Variants in ZNF385D observed in about 807,000 individuals in gnomAD.
ZNF385D encodes the protein zinc finger protein 385D, also known as zinc finger protein 659.
ZNF385D carries 15 observed loss-of-function variants against 35.8 expected under a neutral mutation model. The observed-to-expected ratio is 0.42, with a 90% confidence interval of 0.28 to 0.64. The LOEUF (loss-of-function observed/expected upper bound fraction) is 0.64, where lower values mean the gene tolerates loss of function less well. ZNF385D is among the 30% of genes least tolerant of loss of function. The probability of loss-of-function intolerance (pLI) is 0.23; values close to 1 mark genes in which losing one functional copy is unlikely to be tolerated. For missense variants in ZNF385D, 474 were observed against 494.6 expected, an observed-to-expected ratio of 0.96 and a Z score of 0.39; for synonymous variants, 212 against 186.8, an observed-to-expected ratio of 1.13 and a Z score of -1.10.
Position 22,068,846 on chromosome 3 carries a change from G to A in ZNF385D, c.325+99971C>T, listed in dbSNP as rs116941395. ...TGCTTCTAGCAACAAGTAACATGGG[G>A]CCCGCCCAAATAACAGTAGCACAGA... is the stretch of plus-strand genomic sequence containing the variant. On this transcript the variant is annotated intron_variant, in intron 3 of 5. Transcript: ENST00000494108. 2.6e-4 allele frequency among the ~76,000 whole-genome samples: 39 copies of A among 152,276 alleles called. 2 individuals carry two copies. The East Asian group carries it at 7.2e-3, about 28-fold the overall frequency.
intron 3 of ZNF385D, among the ~76,000 whole-genome samples, chr3:22,041,774 T>C (rs1274598080): frequency 2.6e-5 from 4 of 152,068 alleles, no homozygotes; most frequent in Non-Finnish European, 2.9e-5. Context: ...GTCTATTCAA[T>C]TGAGATTTAT....
At chr3:22,076,350 T>A (rs1476166157) in intron 3 of ZNF385D, among the ~76,000 whole-genome samples, 1 of 151,924 alleles carries the variant, frequency 6.6e-6, no homozygotes, top group Non-Finnish European at 1.5e-5. Flanking sequence ...GTCTCTCTGG[T>A]TTTCTTTCAG....
At chr3:21,476,139 A>G (rs1235318758) in intron 4 of ZNF385D, among the ~76,000 whole-genome samples, 2 of 152,170 alleles carry the variant, frequency 1.3e-5, no homozygotes, top group Non-Finnish European at 2.9e-5. Flanking sequence ...TTGTTTAGGC[A>G]GAAAAGCTGC....
chr3:21,514,209 C>T (rs959243753), intron 3 of ZNF385D, among the ~76,000 whole-genome samples: 6 of 152,042 alleles, frequency 3.9e-5, no homozygotes, highest in African/African-American at 1.2e-4. Flanking sequence ...TTCTGAGGGT[C>T]GTCATTGCCA....
At chr3:21,512,861 A>G (rs1707311564) in intron 3 of ZNF385D, among the ~76,000 whole-genome samples, 1 of 152,322 alleles carries the variant, frequency 6.6e-6, no homozygotes, top group South Asian at 2.1e-4. Flanking sequence ...GCTATATTCA[A>G]TTAAAATCAC....
chr3:21,417,610 T>C lies in ZNF385D; in HGVS notation c.*3604A>G, dbSNP rs1212565447. The stretch of plus-strand genomic sequence containing the variant: ...ATATTAATTTAAAATTTAATTGTAA[T>C]TGGTGATATTTATTGCTCATGTCTA... On this transcript the variant is annotated 3_prime_UTR_variant, in exon 8 of 8. Coordinates refer to ENST00000281523, the MANE Select transcript of ZNF385D (RefSeq NM_024697.3). 6.6e-6 allele frequency: 1 copy of C among 152,136 alleles called. No individual in the cohort carries two copies. The highest frequency in any genetic ancestry group is 1.5e-5 in the Non-Finnish European group (1 of 68,002). The allele number at this position is 152,136 out of a possible 1,614,324, so 9.4% of individuals were successfully genotyped here.
chr3:21,980,192 G>T (rs541497017), intron 3 of ZNF385D, among the ~76,000 whole-genome samples: 1 of 152,098 alleles, frequency 6.6e-6, no homozygotes, highest in African/African-American at 2.4e-5. Flanking sequence ...AACTTTCTTG[G>T]CATGTGAATG....
chr3:21,444,080 C>CTTTTT lies in ZNF385D; in HGVS notation c.440-6882_440-6878dup, dbSNP rs11390309. On this transcript the variant is annotated intron_variant, in intron 4 of 7. Transcript: ENST00000281523. ...AAAAATTTAACTTCTGGATTTCCCT[C>CTTTTT]TTTTTTTTTTTTTTTTTGAGACAGA... 1.1e-3 allele frequency among the ~76,000 whole-genome samples: 147 copies of CTTTTT among 132,664 alleles called. 1 individual carries two copies. The highest frequency in any genetic ancestry group is 2.9e-3 in the African/African-American group (99 of 34,612). 87.0% of individuals were successfully genotyped at this position (132,664 alleles called of 152,430 possible).
At chr3:21,633,404 A>G (rs1201719441) in intron 2 of ZNF385D, among the ~76,000 whole-genome samples, 1 of 152,090 alleles carries the variant, frequency 6.6e-6, no homozygotes, top group Non-Finnish European at 1.5e-5. Context: ...TATATAAACA[A>G]CTATACTAAC....
intron 2 of ZNF385D, among the ~76,000 whole-genome samples, chr3:22,324,489 A>C (rs191422087): frequency 3.1e-4 from 47 of 152,294 alleles, no homozygotes; most frequent in African/African-American, 1.1e-3. Context: ...TATAAATAAC[A>C]GAAATATGCA....
chr3:21,760,577 C>G (rs2070559911), intron 3 of ZNF385D, among the ~76,000 whole-genome samples: 1 of 152,138 alleles, frequency 6.6e-6, no homozygotes, highest in East Asian at 1.9e-4. Flanking sequence ...TAATCCATCT[C>G]CAACTGAGAA....
chr3:21,439,131 C>T (rs1169051031), intron 4 of ZNF385D, among the ~76,000 whole-genome samples: 1 of 151,918 alleles, frequency 6.6e-6, no homozygotes, highest in Non-Finnish European at 1.5e-5. Flanking sequence ...AAAATAATTT[C>T]ATTTTTTATT....
At position 21,664,365 on chromosome 3, in the gene ZNF385D, A is replaced by G. The variant is rs546947800; in HGVS notation, c.165+521T>C. 1.8e-3 allele frequency among the ~76,000 whole-genome samples: 269 copies of G among 152,278 alleles called. 1 individual carries two copies. The highest frequency in any genetic ancestry group is 6.1e-3 in the African/African-American group (255 of 41,566). ...GTTAACTTGGGCAACAATAACACAC[A>G]CTAAAACTCTTGCTACCAGAACCCT... On this transcript the variant is annotated intron_variant, in intron 2 of 7. Coordinates refer to ENST00000281523, the MANE Select transcript of ZNF385D (RefSeq NM_024697.3).
At chr3:22,118,036 T>C (rs1162787962) in intron 3 of ZNF385D, among the ~76,000 whole-genome samples, 2 of 152,122 alleles carry the variant, frequency 1.3e-5, no homozygotes, top group Non-Finnish European at 2.9e-5. Context: ...CTGTGATTTG[T>C]AACAGACGCA....
intron 2 of ZNF385D, among the ~76,000 whole-genome samples, chr3:22,246,457 C>T (rs1308327932): frequency 6.6e-6 from 1 of 152,102 alleles, no homozygotes; most frequent in African/African-American, 2.4e-5. Flanking sequence ...AACAGGAACA[C>T]TTTTGCAAAG....
At chr3:22,249,688 T>C (rs1263176315) in intron 2 of ZNF385D, among the ~76,000 whole-genome samples, 1 of 152,182 alleles carries the variant, frequency 6.6e-6, no homozygotes, top group Admixed American at 6.5e-5. Context: ...ACAGCAGCAA[T>C]CATTTTTGAC....
chr3:21,808,105 T>C (rs1469315197), intron 3 of ZNF385D, among the ~76,000 whole-genome samples: 4 of 152,086 alleles, frequency 2.6e-5, no homozygotes, highest in African/African-American at 9.7e-5. Flanking sequence ...AGCCAAAGCA[T>C]GGTTGGAGGA....
intron 3 of ZNF385D, among the ~76,000 whole-genome samples, chr3:21,799,502 A>G (rs1216105554): frequency 6.6e-6 from 1 of 152,106 alleles, no homozygotes; most frequent in Non-Finnish European, 1.5e-5. Flanking sequence ...TTACCTAAAA[A>G]CTATTGGTAT....
At chr3:22,326,593 GA>G (rs1694689893) in intron 2 of ZNF385D, among the ~76,000 whole-genome samples, 1 of 152,152 alleles carries the variant, frequency 6.6e-6, no homozygotes, top group African/African-American at 2.4e-5. Context: ...AAGGCAGGAA[GA>G]AACCTGCCAG....
Sources: allele counts gnomAD v4.1 joint callset (sites outside exome capture counted in the v4.1 genomes callset), GRCh38; gene constraint gnomAD v4.1.1; transcripts MANE v1.5; gene names NCBI Gene and HGNC (gene_info 2026-07-23, HGNC 2026-07-21).